The following FOXN3 variants were observed in gnomAD, a reference collection of about 807,000 sequenced individuals.
The protein encoded by FOXN3 is forkhead box protein N3.
In FOXN3, 7 loss-of-function variants were observed where a neutral mutation model predicts 38.4. The ratio of observed to expected loss-of-function variants is 0.18; its 90% CI spans 0.10 to 0.34. FOXN3 has a LOEUF of 0.34. Among genes scored for constraint, FOXN3 ranks in the 10% least tolerant of loss-of-function variants. FOXN3 has a pLI of 1.00. For missense variants in FOXN3, 456 were observed against 613.4 expected (o/e 0.74, Z 2.71); for synonymous variants, 230 against 242.2 (o/e 0.95, Z 0.47).
intron 3 of FOXN3, among the ~76,000 whole-genome samples, chr14:89,343,815 T>A (rs1017910587): frequency 6.6e-6 from 1 of 151,760 alleles, no homozygotes; most frequent in Non-Finnish European, 1.5e-5. Flanking sequence ...CAGGGTGGAG[T>A]GCAATGGTGC....
chr14:89,522,072 A>C (rs935069611), intron 1 of FOXN3, among the ~76,000 whole-genome samples: 4 of 152,012 alleles, frequency 2.6e-5, no homozygotes, highest in Non-Finnish European at 1.5e-5. Context: ...ATAATGGTAG[A>C]TTTCTCATCA....
At chr14:89,203,922 C>G (rs1374828903) in intron 4 of FOXN3, among the ~76,000 whole-genome samples, 3 of 152,110 alleles carry the variant, frequency 2.0e-5, no homozygotes, top group Non-Finnish European at 4.4e-5. Flanking sequence ...TCTGGTTACC[C>G]TGCTCCCAGA....
chr14:89,342,434 A>C (rs1888644598), intron 3 of FOXN3, among the ~76,000 whole-genome samples: 1 of 152,230 alleles, frequency 6.6e-6, no homozygotes, highest in African/African-American at 2.4e-5. Context: ...CTGAGAACAA[A>C]ATTATTCTAT....
intron 1 of FOXN3, among the ~76,000 whole-genome samples, chr14:89,564,812 G>A (rs539843419): frequency 4.9e-4 from 75 of 152,228 alleles, no homozygotes; most frequent in African/African-American, 1.7e-3. Context: ...CATAAAAAAA[G>A]AAGATGGCAG....
At chr14:89,248,670 C>CT (rs752910426) in intron 4 of FOXN3, among the ~76,000 whole-genome samples, 18 of 152,222 alleles carry the variant, frequency 1.2e-4, no homozygotes, top group Non-Finnish European at 2.1e-4. Context: ...GGGGAACAGT[C>CT]TGAGGCATGA....
At chr14:89,531,824 T>C (rs1894577329) in intron 1 of FOXN3, among the ~76,000 whole-genome samples, 1 of 113,616 alleles carries the variant, frequency 8.8e-6, no homozygotes, top group South Asian at 2.8e-4. Flanking sequence ...TTTTGTTTTG[T>C]TTTGAGACAG....
At chr14:89,586,547 C>G (rs1308668286) in intron 1 of FOXN3, among the ~76,000 whole-genome samples, 2 of 152,164 alleles carry the variant, frequency 1.3e-5, no homozygotes, top group Non-Finnish European at 2.9e-5. Context: ...AACTACTATC[C>G]CTGATCATGA....
intron 2 of FOXN3, among the ~76,000 whole-genome samples, chr14:89,401,916 C>G (rs996700244): frequency 1.3e-5 from 2 of 152,098 alleles, no homozygotes; most frequent in Admixed American, 1.3e-4. Flanking sequence ...GAGCTTTTTC[C>G]CCTGGGAAGC....
chr14:89,474,562 T>C (rs553057031), intron 1 of FOXN3, among the ~76,000 whole-genome samples: 1 of 152,348 alleles, frequency 6.6e-6, no homozygotes, highest in South Asian at 2.1e-4. Flanking sequence ...AATTGAATAA[T>C]AAGAATCGTC....
chr14:89,439,793 T>C (rs922425886), intron 1 of FOXN3, among the ~76,000 whole-genome samples: 21 of 151,222 alleles, frequency 1.4e-4, no homozygotes, highest in Admixed American at 3.9e-4. Flanking sequence ...GTAGCTGGGA[T>C]TACAGGCGCC....
chr14:89,511,246 C>CT (rs372585967), intron 1 of FOXN3, among the ~76,000 whole-genome samples: 393 of 13,958 alleles, frequency 0.028, 90 homozygotes, highest in Admixed American at 0.042. Flanking sequence ...CCTTTTCTTT[C>CT]TTTTCTTTCT....
intron 2 of FOXN3, among the ~76,000 whole-genome samples, chr14:89,404,781 G>GC (rs1891345274): frequency 6.6e-6 from 1 of 152,020 alleles, no homozygotes; most frequent in Admixed American, 6.6e-5. Context: ...GGACAAGGCA[G>GC]CCCCAGGTCG....
chr14:89,522,588 T>C (rs1368441928), intron 1 of FOXN3, among the ~76,000 whole-genome samples: 2 of 152,190 alleles, frequency 1.3e-5, no homozygotes, highest in South Asian at 2.1e-4. Context: ...TCAACAACAA[T>C]AGCAAAAATG....
chr14:89,243,394 G>A lies in FOXN3; in HGVS notation c.745+37556C>T, dbSNP rs1215888949. ...TTTAAAGAGCTAATTCTTCATTCAG[G>A]ATGCGCCTGCCCGATGCAAGCAGCA... On this transcript the variant is annotated intron_variant, in intron 4 of 5. Coordinates refer to ENST00000557258, the MANE Select transcript of FOXN3 (RefSeq NM_005197.4). Among the ~76,000 whole-genome samples, 11 of 152,188 alleles carry A rather than the reference G, an allele frequency of 7.2e-5. No homozygotes were observed. The South Asian group carries it at 2.3e-3, about 32-fold the overall frequency.
chr14:89,602,585 C>T (rs377691521), intron 1 of FOXN3, among the ~76,000 whole-genome samples: 27 of 152,074 alleles, frequency 1.8e-4, no homozygotes, highest in African/African-American at 6.5e-4. Flanking sequence ...CAACCTCCGC[C>T]CCCCGAGTTC....
chr14:89,508,659 T>C (rs74078908), intron 1 of FOXN3, among the ~76,000 whole-genome samples: 2,818 of 152,294 alleles, frequency 0.019, 80 homozygotes, highest in African/African-American at 0.064. Flanking sequence ...CCAGGGCTTC[T>C]GATGCCCAAA....
chr14:89,558,346 G>T (rs1197190349), intron 1 of FOXN3, among the ~76,000 whole-genome samples: 2 of 152,136 alleles, frequency 1.3e-5, no homozygotes, highest in Admixed American at 6.5e-5. Context: ...CCACGAAATG[G>T]GTCATCCAGG....
chr14:89,603,237 G>T (rs141346996), intron 1 of FOXN3, among the ~76,000 whole-genome samples: 2 of 152,174 alleles, frequency 1.3e-5, no homozygotes, highest in Non-Finnish European at 2.9e-5. Context: ...TGTGACCTTG[G>T]AGCCATGGGT....
At chr14:89,245,776 T>C (rs1885276321) in intron 4 of FOXN3, among the ~76,000 whole-genome samples, 1 of 152,222 alleles carries the variant, frequency 6.6e-6, no homozygotes, top group Non-Finnish European at 1.5e-5. Flanking sequence ...GCCAAGTGAC[T>C]TGTTAAACAA....
Sources: allele counts gnomAD v4.1 joint callset (sites outside exome capture counted in the v4.1 genomes callset), GRCh38; gene constraint gnomAD v4.1.1; transcripts MANE v1.5; gene names NCBI Gene and HGNC (gene_info 2026-07-23, HGNC 2026-07-21).